PLXDC2: variants seen among roughly 807,000 people sequenced by gnomAD.
The protein encoded by PLXDC2 is plexin domain containing 2, also known as plexin domain-containing protein 2.
In PLXDC2, 40 loss-of-function variants were observed where a neutral mutation model predicts 68.9. The observed-to-expected ratio is 0.58, with a 90% confidence interval of 0.45 to 0.76. The LOEUF (loss-of-function observed/expected upper bound fraction) is 0.76, where lower values mean the gene tolerates loss of function less well. Among genes scored for constraint, PLXDC2 ranks in the 30% least tolerant of loss-of-function variants. The probability of loss-of-function intolerance (pLI) is 0.00; values close to 1 mark genes in which losing one functional copy is unlikely to be tolerated. For synonymous variants in PLXDC2, 243 were observed against 234.2 expected (o/e 1.04, Z -0.34); for missense variants, 644 against 661.9 (o/e 0.97, Z 0.30).
Position 20,129,758 on chromosome 10 carries a change from T to C in PLXDC2, c.542-13537T>C, listed in dbSNP as rs536137424. 1.4e-4 allele frequency among the ~76,000 whole-genome samples: 21 copies of C among 152,256 alleles called. No individual in the cohort carries two copies. The East Asian group carries it at 3.9e-3, about 28-fold the overall frequency. On this transcript the variant is annotated intron_variant, in intron 4 of 13. Transcript: ENST00000377252. ...ATATCTAGTTTTCTAACATTATTTA[T>C]TAAAGAGACTACCTTTTCAGCCATT...
At chr10:20,159,436 A>C (rs1834261843) in intron 6 of PLXDC2, among the ~76,000 whole-genome samples, 1 of 152,038 alleles carries the variant, frequency 6.6e-6, no homozygotes, top group Non-Finnish European at 1.5e-5. Flanking sequence ...TGTCACTTAC[A>C]CCACTGTTAC....
chr10:19,950,320 G>C (rs1272217110), intron 1 of PLXDC2, among the ~76,000 whole-genome samples: 3 of 151,980 alleles, frequency 2.0e-5, no homozygotes, highest in African/African-American at 7.3e-5. Context: ...AAAGTTTCGG[G>C]GTACAAAATC....
chr10:20,189,514 C>CAT (rs1834733902), intron 9 of PLXDC2, among the ~76,000 whole-genome samples: 1 of 84,274 alleles, frequency 1.2e-5, no homozygotes, highest in Non-Finnish European at 2.4e-5. Flanking sequence ...TACACATACA[C>CAT]ACACATATAT....
At chr10:20,224,667 A>C (rs1835263522) in intron 12 of PLXDC2, among the ~76,000 whole-genome samples, 1 of 152,142 alleles carries the variant, frequency 6.6e-6, no homozygotes, top group Non-Finnish European at 1.5e-5. Context: ...GAATTGTGCC[A>C]CTCTGCTACA....
intron 1 of PLXDC2, among the ~76,000 whole-genome samples, chr10:19,936,531 A>G (rs1460749496): frequency 6.6e-6 from 1 of 152,178 alleles, no homozygotes; most frequent in African/African-American, 2.4e-5. Context: ...ATGGATCATA[A>G]TTTGCCAGCC....
At chr10:19,914,657 T>C (rs1379872642) in intron 1 of PLXDC2, among the ~76,000 whole-genome samples, 1 of 152,224 alleles carries the variant, frequency 6.6e-6, no homozygotes, top group Admixed American at 6.5e-5. Flanking sequence ...ATTTATACCT[T>C]TGAACAATTC....
intron 1 of PLXDC2, among the ~76,000 whole-genome samples, chr10:19,862,963 G>A (rs953899950): frequency 8.5e-5 from 13 of 152,096 alleles, no homozygotes; most frequent in African/African-American, 2.7e-4. Context: ...TATAATACAT[G>A]GAAGTAGCGT....
chr10:20,088,022 T>A (rs1353930308), intron 4 of PLXDC2, among the ~76,000 whole-genome samples: 1 of 152,184 alleles, frequency 6.6e-6, no homozygotes, highest in East Asian at 1.9e-4. Flanking sequence ...AGGGATAAGT[T>A]CCTCTGGAAC....
intron 1 of PLXDC2, among the ~76,000 whole-genome samples, chr10:19,877,535 TCTTA>T (rs922145120): frequency 3.3e-5 from 5 of 152,188 alleles, no homozygotes; most frequent in African/African-American, 1.2e-4. Context: ...GCAAAATCTC[TCTTA>T]CTTTTACTTT....
chr10:19,983,316 A>T (rs17760182), intron 1 of PLXDC2, among the ~76,000 whole-genome samples: 8,022 of 152,298 alleles, frequency 0.053, 276 homozygotes, highest in Middle Eastern at 0.092. Flanking sequence ...ACATACTGTT[A>T]ATCTTGCGAA....
At chr10:19,877,156 A>G (rs1837646981) in intron 1 of PLXDC2, among the ~76,000 whole-genome samples, 1 of 152,132 alleles carries the variant, frequency 6.6e-6, no homozygotes, top group African/African-American at 2.4e-5. Context: ...TTAGATCAGT[A>G]AAATAAGGGA....
At chr10:20,208,798 C>T (rs889010670) in intron 9 of PLXDC2, among the ~76,000 whole-genome samples, 15 of 151,832 alleles carry the variant, frequency 9.9e-5, no homozygotes, top group South Asian at 8.3e-4. Context: ...AAGTGTTGGC[C>T]GGTCTGAGAA....
chr10:20,062,801 T>A (rs1193496667), intron 3 of PLXDC2, among the ~76,000 whole-genome samples: 1 of 152,124 alleles, frequency 6.6e-6, no homozygotes, highest in Non-Finnish European at 1.5e-5. Context: ...TATAGGTATA[T>A]GGTGTTTATT....
chr10:20,125,177 T>G (rs1391368629), intron 4 of PLXDC2, among the ~76,000 whole-genome samples: 3 of 151,972 alleles, frequency 2.0e-5, no homozygotes, highest in African/African-American at 4.8e-5. Context: ...TTTCCTAATA[T>G]CCACTGGCAC....
chr10:20,251,205 C>T (rs1297245273), intron 13 of PLXDC2, among the ~76,000 whole-genome samples: 2 of 152,086 alleles, frequency 1.3e-5, no homozygotes, highest in African/African-American at 4.8e-5. Context: ...TTAGACTGGG[C>T]AGTTTCTTCA....
intron 1 of PLXDC2, among the ~76,000 whole-genome samples, chr10:19,914,009 A>G (rs1464274355): frequency 1.3e-5 from 2 of 151,628 alleles, no homozygotes; most frequent in South Asian, 4.2e-4. Flanking sequence ...TCCATTTTCT[A>G]CTGAAAATGA....
chr10:20,233,725 G>C (rs1490802436), intron 12 of PLXDC2, among the ~76,000 whole-genome samples: 1 of 152,158 alleles, frequency 6.6e-6, no homozygotes, highest in Non-Finnish European at 1.5e-5. Flanking sequence ...GTCCAGTAGA[G>C]TATATAGTCA....
chr10:20,010,863 G>T (rs1177229817), intron 2 of PLXDC2, among the ~76,000 whole-genome samples: 1 of 152,020 alleles, frequency 6.6e-6, no homozygotes, highest in East Asian at 1.9e-4. Context: ...CATTCATGAG[G>T]ACTTTAATAT....
intron 12 of PLXDC2, among the ~76,000 whole-genome samples, chr10:20,235,717 AGG>A (rs1470458151): frequency 6.6e-6 from 1 of 152,190 alleles, no homozygotes; most frequent in African/African-American, 2.4e-5. Flanking sequence ...AGAAGAGTGA[AGG>A]GGATTTTTCT....
Sources: gnomAD v4.1 joint callset for allele counts (sites outside exome capture counted in the v4.1 genomes callset) on GRCh38, gnomAD v4.1.1 for gene constraint, MANE v1.5 for transcripts, NCBI Gene and HGNC (gene_info 2026-07-23, HGNC 2026-07-21) for gene names.